Variants in ECD observed in about 807,000 individuals in gnomAD.
The protein encoded by ECD is ecdysoneless cell cycle regulator, also known as protein ecdysoneless homolog.
A neutral mutation model predicts 77.2 loss-of-function variants in ECD; 59 were observed. The ratio of observed to expected loss-of-function variants is 0.76; its 90% CI spans 0.62 to 0.95. The LOEUF (loss-of-function observed/expected upper bound fraction) is 0.95, where lower values mean the gene tolerates loss of function less well. Ranked by LOEUF, ECD falls within the 40% of genes least tolerant of loss-of-function variation. The pLI is 0.00. For missense variants in ECD, 704 were observed against 763.4 expected (o/e 0.92, Z 0.92); for synonymous variants, 233 against 267.4 (o/e 0.87, Z 1.26).
At chr10:73,158,761 A>G (rs1337721636) in intron 3 of ECD, among the ~76,000 whole-genome samples, 1 of 151,458 alleles carries the variant, frequency 6.6e-6, no homozygotes, top group Admixed American at 6.6e-5. Context: ...AATAAAATAG[A>G]GCACAGTGGC....
chr10:73,152,494 TATA>T (rs1843226399), intron 6 of ECD, 73 bp from the exon 7 acceptor site: 27 of 1,520,312 alleles, frequency 1.8e-5, no homozygotes, highest in South Asian at 1.6e-4. Flanking sequence ...CACAGTTAAA[TATA>T]ATGAGAAGTC....
intron 2 of ECD, among the ~76,000 whole-genome samples, chr10:73,163,456 A>G (rs1229371215): frequency 6.6e-6 from 1 of 152,228 alleles, no homozygotes; most frequent in Non-Finnish European, 1.5e-5. Flanking sequence ...ACATTATGGC[A>G]TAGTGTAGTA....
chr10:73,146,197 A>G, intron 9 of ECD, 79 bp downstream of exon 9: 2 of 669,992 alleles, frequency 3.0e-6, no homozygotes, highest in Non-Finnish European at 4.2e-6. Flanking sequence ...AATAAATAAG[A>G]ATAATAAATA....
At chr10:73,136,447 C>T (rs947633284) in intron 13 of ECD, among the ~76,000 whole-genome samples, 5 of 152,000 alleles carry the variant, frequency 3.3e-5, no homozygotes, top group Admixed American at 2.6e-4. Context: ...AGTGTACAAT[C>T]GCATTCTAAT....
At chr10:73,141,904 C>T (rs1843063103) in intron 9 of ECD, among the ~76,000 whole-genome samples, 1 of 152,182 alleles carries the variant, frequency 6.6e-6, no homozygotes, top group South Asian at 2.1e-4. Context: ...TGTAACAAAT[C>T]ATGTCACCAT....
chr10:73,146,330 T>C lies in ECD; in HGVS notation c.1073A>G (p.Glu358Gly). 3 of 1,610,904 alleles carry C rather than the reference T, an allele frequency of 1.9e-6. No individual in the cohort carries two copies. The highest frequency in any genetic ancestry group is 4.5e-5 in the East Asian group (2 of 44,842). Residue 358 changes from glutamate (E) to glycine (G), a missense_variant, in exon 9 of 14, where the codon GAA becomes GGA. By Grantham distance (98) the Glu-to-Gly change is moderately conservative. Coordinates refer to ENST00000372979, the MANE Select transcript of ECD (RefSeq NM_007265.3). ...GTAATTCTCTGCCATTTCTAGCCTT[T>C]CCCGGTACTGAGCAGAACCTTCTAT... ...GLIEGSAQYRERLEMAENYFQ... is the reference protein window; with the variant it reads ...GLIEGSAQYRGRLEMAENYFQ...
At chr10:73,157,287 T>A (rs964728896) in intron 3 of ECD, among the ~76,000 whole-genome samples, 1 of 151,652 alleles carries the variant, frequency 6.6e-6, no homozygotes, top group African/African-American at 2.4e-5. Flanking sequence ...TGACCTCAAG[T>A]GATCCGCTCA....
chr10:73,139,305 T>C lies in ECD; in HGVS notation c.1421+4A>G. The C allele has an allele frequency of 6.3e-7, 1 of 1,599,608 alleles. No homozygotes were observed. The highest frequency in any genetic ancestry group is 8.5e-7 in the Non-Finnish European group (1 of 1,176,010). On this transcript the variant is annotated splice_donor_region_variant and intron_variant, in intron 11 of 13. Transcript: ENST00000372979. ...TTATATATTTATACTTTAACACAAA[T>C]TACCGAGGCAGCTCTGCTCCCTTGT... is the stretch of plus-strand genomic sequence containing the variant.
At position 73,134,740 on chromosome 10, in the gene ECD, G is replaced by C. The variant is rs1842957793; in HGVS notation, c.1778C>G (p.Pro593Arg). 6.2e-7 allele frequency: 1 copy of C among 1,614,106 alleles called. No individual in the cohort carries two copies. Among genetic ancestry groups the C allele is most frequent in the Non-Finnish European group, 8.5e-7 (1 of 1,180,020 alleles). Residue 593 changes from proline (P) to arginine (R), a missense_variant, in exon 14 of 14, where the codon CCA becomes CGA. Transcript: ENST00000372979. Reference protein sequence around the residue: ...DSGTGESVMAPVDVDLNLVSN... With the variant: ...DSGTGESVMARVDVDLNLVSN... ...AACCAGGTTCAGGTCTACATCTACT[G>C]GTGCCATAACAGATTCTCCCGTACC... is the stretch of plus-strand genomic sequence containing the variant.
In ECD at chr10:73,160,512, C is replaced by A; in HGVS notation, c.245G>T (p.Gly82Val). The A allele has an allele frequency of 6.2e-7, 1 of 1,611,436 alleles. No individual in the cohort carries two copies. Among genetic ancestry groups the A allele is most frequent in the South Asian group, 1.1e-5 (1 of 90,346 alleles). ...AAACCATTCATCCTCAATGTTATCC[C>A]CAAACTTTGTCACGCCAAACATATG... is the stretch of plus-strand genomic sequence containing the variant. ...PAHMFGVTKF[G>V]DNIEDEWFIV... The change falls in exon 3 of 14, where the codon GGG (glycine) becomes GTG (valine). Residue 82 changes from glycine (G) to valine (V), a missense_variant. This residue lies in a region of ECD where 559 missense variants were observed against 583.7 expected (regional missense o/e 0.96). Transcript: ENST00000372979.
In ECD at chr10:73,148,378, G is replaced by A; in HGVS notation, c.939C>T (p.Ser313=). The change falls in exon 8 of 14, where the codon TCC becomes TCT. Residue 313 remains serine, a synonymous_variant. Coordinates refer to ENST00000372979, the MANE Select transcript of ECD (RefSeq NM_007265.3). ...AGTCAGAAAAATGTGGGCTACATTT[G>A]GAGCATAAGATCTCAAATCCATGAG... The part of the protein sequence containing the change: ...KLAHGFEILC[S]KCSPHFSDCK... The A allele has an allele frequency of 6.2e-7, 1 of 1,613,778 alleles. No homozygotes were observed. The highest frequency in any genetic ancestry group is 1.1e-5 in the South Asian group (1 of 91,038).
intron 9 of ECD, among the ~76,000 whole-genome samples, chr10:73,142,291 GA>G: frequency 6.6e-6 from 1 of 152,024 alleles, no homozygotes; most frequent in East Asian, 1.9e-4. Context: ...TTACAGGTGT[GA>G]GCCACTGTGC....
intron 3 of ECD, among the ~76,000 whole-genome samples, chr10:73,159,425 T>C (rs1843345008): frequency 6.6e-6 from 1 of 152,242 alleles, no homozygotes; most frequent in Non-Finnish European, 1.5e-5. Context: ...GAAATATGTG[T>C]GTATGTGTAT....
rs1440891705 is a variant in ECD at position 73,166,600 on chromosome 10, T to G, written c.-14+1266A>C. 2.0e-5 allele frequency among the ~76,000 whole-genome samples: 3 copies of G among 152,244 alleles called. No homozygotes were observed. In the South Asian group the frequency reaches 6.2e-4, roughly 31 times the overall value. Reference sequence around the variant, plus strand: ...CACCTTTTCATAAACCTGTTTGCCATTTTTATGTCTTCTTTGAGAAATGTC... The same window carrying G: ...CACCTTTTCATAAACCTGTTTGCCAGTTTTATGTCTTCTTTGAGAAATGTC... On this transcript the variant is annotated intron_variant, in intron 1 of 13. Transcript: ENST00000372979.
At position 73,160,387 on chromosome 10, in the gene ECD, G is replaced by C. The variant is rs367699922; in HGVS notation, c.323+47C>G. 8.6e-6 allele frequency: 11 copies of C among 1,276,940 alleles called. No homozygotes were observed. The South Asian group carries it at 1.3e-4, about 15-fold the overall frequency. 79.1% of individuals were successfully genotyped at this position (1,276,940 alleles called of 1,614,324 possible). A position where few individuals can be genotyped will look rare whatever the true frequency, so the allele number is the denominator to read the frequency against. On this transcript the variant is annotated intron_variant, in intron 3 of 13. Transcript: ENST00000372979. ...AAATAGATAAAAATGTAGTCACTTTGTTTCAGTAATAGAATTCCTTTAGAA... is the reference window on the plus strand; with the variant it reads ...AAATAGATAAAAATGTAGTCACTTTCTTTCAGTAATAGAATTCCTTTAGAA...
intron 3 of ECD, among the ~76,000 whole-genome samples, chr10:73,157,468 C>T (rs1843311721): frequency 6.6e-6 from 1 of 151,552 alleles, no homozygotes; most frequent in African/African-American, 2.4e-5. Flanking sequence ...CCTGTAATCC[C>T]AGCACTTTGG....
chr10:73,164,556 C>G (rs983601453), intron 1 of ECD, among the ~76,000 whole-genome samples: 2 of 151,942 alleles, frequency 1.3e-5, no homozygotes, highest in Non-Finnish European at 1.5e-5. Flanking sequence ...CAACCTCCAC[C>G]TCTTGGGCTC....
intron 9 of ECD, among the ~76,000 whole-genome samples, chr10:73,145,801 T>C (rs936550686): frequency 1.3e-5 from 2 of 151,766 alleles, no homozygotes; most frequent in Non-Finnish European, 2.9e-5. Flanking sequence ...CGCACCATCA[T>C]GCCCAGCTAA....
intron 5 of ECD, 106 bp from the exon 6 acceptor site, chr10:73,154,554 C>A (rs1008666364): frequency 3.8e-6 from 4 of 1,053,086 alleles, no homozygotes; most frequent in African/African-American, 1.6e-5. Context: ...AAGAGCAGTA[C>A]GTAGAGAGTG....
Sources: gnomAD v4.1 joint callset for allele counts (sites outside exome capture counted in the v4.1 genomes callset) on GRCh38, gnomAD v4.1.1 for gene constraint, gnomAD v4.1.1 regional missense constraint, MANE v1.5 for transcripts, NCBI Gene and HGNC (gene_info 2026-07-23, HGNC 2026-07-21) for gene names.